Variants in MCMBP observed in about 807,000 individuals in gnomAD.
MCMBP encodes mini-chromosome maintenance complex-binding protein.
Under a neutral mutation model 81.3 loss-of-function variants are expected in MCMBP, and 31 were observed. That is an observed-to-expected ratio of 0.38 (90% CI 0.29 to 0.51). The LOEUF (loss-of-function observed/expected upper bound fraction) is 0.51. MCMBP is among the 20% of genes least tolerant of loss of function. MCMBP has a pLI of 0.87. For synonymous variants in MCMBP, 267 were observed against 275.9 expected, an observed-to-expected ratio of 0.97 and a Z score of 0.32; for missense variants, 645 against 772.1, an observed-to-expected ratio of 0.84 and a Z score of 1.95.
chr10:119,832,023 G>C lies in MCMBP; in HGVS notation c.1785C>G (p.Leu595=). Residue 595 remains leucine, a synonymous_variant, in exon 15 of 16, where the codon CTC becomes CTG. Transcript: ENST00000369077. ...CGTGCGCCACTTACCGAGCCACCAC[G>C]AGCAGCTGGTGAAGATCATCAGCAG... The part of the protein sequence containing the change: ...SITADDLHQL[L]VVARCLSLSA... The C allele has an allele frequency of 1.1e-5, 18 of 1,611,228 alleles. No individual in the cohort carries two copies. The highest frequency in any genetic ancestry group is 2.2e-5 in the East Asian group (1 of 44,790).
At chr10:119,843,013 A>C in intron 9 of MCMBP, 1 of 448,492 alleles carries the variant, frequency 2.2e-6, no homozygotes, top group South Asian at 2.0e-5. Context: ...TTGGCCTCCT[A>C]AAGTGCTAAG....
intron 12 of MCMBP, among the ~76,000 whole-genome samples, 168 bp downstream of exon 12, chr10:119,838,367 G>T (rs1030381570): frequency 6.6e-6 from 1 of 151,484 alleles, no homozygotes; most frequent in African/African-American, 2.4e-5. Context: ...CATAGTTGGT[G>T]TATATAATTA....
chr10:119,854,571 AT>A (rs1370461236), intron 5 of MCMBP, among the ~76,000 whole-genome samples: 12 of 147,746 alleles, frequency 8.1e-5, no homozygotes, highest in Non-Finnish European at 1.5e-4. Flanking sequence ...AAATAAATAA[AT>A]AAATAAAACA....
intron 1 of MCMBP, among the ~76,000 whole-genome samples, chr10:119,868,243 T>C (rs1853542393): frequency 6.6e-6 from 1 of 152,086 alleles, no homozygotes; most frequent in African/African-American, 2.4e-5. Context: ...CTGGCCAACA[T>C]GGCAAAACCC....
chr10:119,834,440 T>A (rs1852162255), intron 14 of MCMBP, among the ~76,000 whole-genome samples: 1 of 152,134 alleles, frequency 6.6e-6, no homozygotes, highest in South Asian at 2.1e-4. Flanking sequence ...TTCGAAATGA[T>A]GAGACAAAGA....
chr10:119,830,620 T>C lies in MCMBP; in HGVS notation c.*854A>G, dbSNP rs916765125. ...CACAGCATTCCCTTATGCATGGTTC[T>C]CAAATGCACTGGGATAGGAGAAAAT... On this transcript the variant is annotated 3_prime_UTR_variant, in exon 16 of 16. Coordinates refer to ENST00000369077, the MANE Select transcript of MCMBP (RefSeq NM_001256378.2). 9.2e-5 allele frequency: 14 copies of C among 152,506 alleles called. No individual in the cohort carries two copies. The highest frequency in any genetic ancestry group is 3.1e-4 in the African/African-American group (13 of 41,456). 9.4% of individuals were successfully genotyped at this position (152,506 alleles called of 1,614,324 possible). A position where few individuals can be genotyped will look rare whatever the true frequency, so the allele number is the denominator to read the frequency against.
chr10:119,840,744 T>C (rs1852403169), intron 11 of MCMBP, 99 bp downstream of exon 11: 3 of 652,500 alleles, frequency 4.6e-6, no homozygotes, highest in Non-Finnish European at 7.5e-6. Context: ...ATAAGATCTA[T>C]TAAAATCTCT....
intron 5 of MCMBP, among the ~76,000 whole-genome samples, chr10:119,855,502 T>C (rs560778790): frequency 1.3e-5 from 2 of 152,106 alleles, no homozygotes; most frequent in Non-Finnish European, 2.9e-5. Context: ...AAACCCCGTC[T>C]CTATCAAAAA....
At chr10:119,852,205 T>G (rs17099347) in intron 6 of MCMBP, among the ~76,000 whole-genome samples, 3,235 of 132,092 alleles carry the variant, frequency 0.024, 120 homozygotes, top group African/African-American at 0.089. Context: ...ATCTTGCAGA[T>G]AGTAAATGAC....
Position 119,830,057 on chromosome 10 carries a change from TA to T in MCMBP, c.*1416del. ...AAAATGAAAACCAGTTCAACTCTAA[TA>T]TAAACATTATTTACATTTGTTTATA... On this transcript the variant is annotated 3_prime_UTR_variant, in exon 16 of 16. Transcript: ENST00000369077. The T allele has an allele frequency of 6.5e-6, 1 of 152,794 alleles. No homozygotes were observed. Among genetic ancestry groups the T allele is most frequent in the Non-Finnish European group, 1.5e-5 (1 of 68,030 alleles). The allele number at this position is 152,794 out of a possible 1,614,324, so 9.5% of individuals were successfully genotyped here.
At chr10:119,860,803 C>T (rs1234307432) in intron 1 of MCMBP, among the ~76,000 whole-genome samples, 2 of 152,148 alleles carry the variant, frequency 1.3e-5, no homozygotes, top group African/African-American at 2.4e-5. Flanking sequence ...CAAGTATAAC[C>T]GAACTGCTGT....
intron 12 of MCMBP, 110 bp downstream of exon 12, chr10:119,838,425 T>G: frequency 9.9e-7 from 1 of 1,010,450 alleles, no homozygotes; most frequent in Non-Finnish European, 1.4e-6. Context: ...GCCTTTATCT[T>G]ACGTTGTTAA....
intron 13 of MCMBP, 102 bp downstream of exon 13, chr10:119,836,794 T>TA (rs1852263593): frequency 5.8e-6 from 2 of 347,062 alleles, no homozygotes; most frequent in Non-Finnish European, 9.8e-6. Context: ...TTTTTTTTTT[T>TA]ACAACAAATG....
At chr10:119,864,392 A>G (rs1853374857) in intron 1 of MCMBP, among the ~76,000 whole-genome samples, 1 of 152,164 alleles carries the variant, frequency 6.6e-6, no homozygotes, top group Admixed American at 6.5e-5. Context: ...ATTTCATCTA[A>G]GTTGATGAAT....
chr10:119,849,410 G>T lies in MCMBP; in HGVS notation c.726+15C>A, dbSNP rs368007969. ...CATAACATTTCAGTGTTGGATCTAC[G>T]AAAGGTTTTATTACCTTCACAAGGC... On this transcript the variant is annotated intron_variant, in intron 7 of 15. Transcript: ENST00000369077. 2.5e-6 allele frequency: 4 copies of T among 1,596,884 alleles called. No homozygotes were observed. The highest frequency in any genetic ancestry group is 3.4e-6 in the Non-Finnish European group (4 of 1,174,870).
At chr10:119,832,967 G>A (rs1852099844) in intron 14 of MCMBP, among the ~76,000 whole-genome samples, 1 of 152,218 alleles carries the variant, frequency 6.6e-6, no homozygotes, top group Non-Finnish European at 1.5e-5. Context: ...GACATGCTCA[G>A]AGACCATAGC....
intron 1 of MCMBP, among the ~76,000 whole-genome samples, chr10:119,867,694 T>G (rs1035469743): frequency 4.6e-5 from 7 of 152,186 alleles, no homozygotes; most frequent in Non-Finnish European, 1.0e-4. Flanking sequence ...GTGCAGAGAT[T>G]AATGTATCCC....
intron 1 of MCMBP, among the ~76,000 whole-genome samples, chr10:119,869,379 C>G (rs997268844): frequency 6.6e-6 from 1 of 152,178 alleles, no homozygotes; most frequent in African/African-American, 2.4e-5. Flanking sequence ...CAAGACCAGC[C>G]TGGCCAACAT....
At position 119,858,934 on chromosome 10, in the gene MCMBP, C is replaced by A. The variant is rs1438706620; in HGVS notation, c.286-9G>T. ...TTTCCAAAATGAAGAACCTATGACC[C>A]CAAACATAGAAAAACAGAATTATAT... On this transcript the variant is annotated splice_polypyrimidine_tract_variant and intron_variant, in intron 3 of 15. Transcript: ENST00000369077. 5.6e-6 allele frequency: 9 copies of A among 1,612,140 alleles called. No homozygotes were observed. The highest frequency in any genetic ancestry group is 7.6e-6 in the Non-Finnish European group (9 of 1,179,054).
Sources: allele counts gnomAD v4.1 joint callset (sites outside exome capture counted in the v4.1 genomes callset), GRCh38; gene constraint gnomAD v4.1.1; transcripts MANE v1.5; gene names NCBI Gene and HGNC (gene_info 2026-07-23, HGNC 2026-07-21).